PRKD1: variants seen among roughly 807,000 people sequenced by gnomAD.
The protein encoded by PRKD1 is serine/threonine-protein kinase D1.
In PRKD1, 63 loss-of-function variants were observed where a neutral mutation model predicts 95.9. The observed-to-expected ratio is 0.66, with a 90% confidence interval of 0.54 to 0.81. PRKD1 has a LOEUF of 0.81. Among genes scored for constraint, PRKD1 ranks in the 30% least tolerant of loss-of-function variants. PRKD1 has a pLI of 0.00. For synonymous variants in PRKD1, 425 were observed against 423.1 expected, an observed-to-expected ratio of 1.00 and a Z score of -0.05; for missense variants, 1,048 against 1,165.3, an observed-to-expected ratio of 0.90 and a Z score of 1.47.
chr14:29,809,844 T>G (rs1019180769), intron 1 of PRKD1, among the ~76,000 whole-genome samples: 2 of 152,224 alleles, frequency 1.3e-5, no homozygotes, highest in Non-Finnish European at 2.9e-5. Flanking sequence ...AACTTTTCCT[T>G]GGCACTCACA....
chr14:29,774,064 G>A (rs1360713589), intron 1 of PRKD1, among the ~76,000 whole-genome samples: 8 of 152,286 alleles, frequency 5.3e-5, no homozygotes, highest in Non-Finnish European at 7.3e-5. Flanking sequence ...CAGAAAAGAC[G>A]ATATCTAAAT....
At chr14:29,696,241 T>C (rs111894259) in intron 2 of PRKD1, among the ~76,000 whole-genome samples, 1 of 41,400 alleles carries the variant, frequency 2.4e-5, no homozygotes, top group Non-Finnish European at 4.2e-5. Flanking sequence ...TATCTAGTAA[T>C]AGAGTCAGGC....
chr14:29,640,174 A>T (rs1880665365), intron 4 of PRKD1, among the ~76,000 whole-genome samples: 1 of 152,214 alleles, frequency 6.6e-6, no homozygotes, highest in Non-Finnish European at 1.5e-5. Flanking sequence ...TAAAGTTTAA[A>T]TACATACCCC....
At chr14:29,738,758 TTTCCTTCCTTCC>T (rs141407844) in intron 1 of PRKD1, among the ~76,000 whole-genome samples, 3 of 151,096 alleles carry the variant, frequency 2.0e-5, no homozygotes, top group African/African-American at 2.4e-5. Flanking sequence ...TCTTTCTTTC[TTTCCTTCCTTCC>T]TTCCTTCCTT....
chr14:29,920,025 G>A (rs1448895076), intron 1 of PRKD1, among the ~76,000 whole-genome samples: 15 of 130,082 alleles, frequency 1.2e-4, no homozygotes, highest in Admixed American at 2.2e-4. Flanking sequence ...GGGAAGGAAG[G>A]AAGGAAGGAA....
rs538910401 is a variant in PRKD1, at chr14:29,800,235, A to T, written c.265-74561T>A. 9.1e-4 allele frequency among the ~76,000 whole-genome samples: 139 copies of T among 152,344 alleles called. 2 individuals are homozygous for T. The highest frequency in any genetic ancestry group is 3.2e-3 in the African/African-American group (135 of 41,586). ...GGTTCAGTATTTGCTAACTAAGATG[A>T]TGTGACAGAACAGAACTTCCACAAA... On this transcript the variant is annotated intron_variant, in intron 1 of 17. Transcript: ENST00000331968.
chr14:29,751,216 CTGTTAGTTGACATA>C (rs569607674), intron 1 of PRKD1: 411 of 152,288 alleles, frequency 2.7e-3, no homozygotes, highest in Admixed American at 8.5e-3. Flanking sequence ...TTCTTAAACA[CTGTTAGTTGACATA>C]TATCCATCAG....
intron 1 of PRKD1, among the ~76,000 whole-genome samples, chr14:29,834,317 G>T (rs1323905484): frequency 6.6e-6 from 1 of 152,078 alleles, no homozygotes; most frequent in East Asian, 1.9e-4. Context: ...TTGACATACT[G>T]TTGTGGAACT....
At chr14:29,693,629 AAAAAAAAAAAAACAACAACAAC>A (rs1437483098) in intron 2 of PRKD1, among the ~76,000 whole-genome samples, 14 of 117,746 alleles carry the variant, frequency 1.2e-4, no homozygotes, top group African/African-American at 6.8e-4. Flanking sequence ...ACCTCAGTCA[AAAAAAAAAAAAACAACAACAAC>A]AAAAAAAAAA....
chr14:29,817,599 G>A (rs2139260988), intron 1 of PRKD1, among the ~76,000 whole-genome samples: 1 of 152,194 alleles, frequency 6.6e-6, no homozygotes, highest in African/African-American at 2.4e-5. Flanking sequence ...TTTATGGTTA[G>A]ATATCATTAT....
intron 1 of PRKD1, among the ~76,000 whole-genome samples, chr14:29,783,929 C>T (rs1889156870): frequency 6.6e-6 from 1 of 152,174 alleles, no homozygotes; most frequent in African/African-American, 2.4e-5. Context: ...TTCCATTCTA[C>T]AGGTCATCTA....
chr14:29,796,049 T>G (rs561717921), intron 1 of PRKD1, among the ~76,000 whole-genome samples: 4 of 152,166 alleles, frequency 2.6e-5, no homozygotes, highest in Admixed American at 2.0e-4. Flanking sequence ...GTGATACACA[T>G]ATTTGTAACA....
chr14:29,680,894 C>T (rs556081632), intron 2 of PRKD1, among the ~76,000 whole-genome samples: 39 of 152,020 alleles, frequency 2.6e-4, no homozygotes, highest in African/African-American at 4.8e-4. Context: ...TGAAAACACG[C>T]GGAGGAGGAG....
intron 1 of PRKD1, among the ~76,000 whole-genome samples, chr14:29,832,700 G>A (rs1186838527): frequency 1.3e-5 from 2 of 152,064 alleles, no homozygotes; most frequent in African/African-American, 2.4e-5. Flanking sequence ...AAATGCTCCA[G>A]AATGACTATT....
At chr14:29,849,577 C>CAAAAAA (rs368009160) in intron 1 of PRKD1, among the ~76,000 whole-genome samples, 1 of 139,654 alleles carries the variant, frequency 7.2e-6, no homozygotes, top group African/African-American at 2.7e-5. Context: ...ACAACAACAA[C>CAAAAAA]AAAAAAAAAA....
At chr14:29,600,268 C>A (rs1893468913) in intron 13 of PRKD1, among the ~76,000 whole-genome samples, 1 of 151,948 alleles carries the variant, frequency 6.6e-6, no homozygotes, top group South Asian at 2.1e-4. Flanking sequence ...TAGTCAAAAC[C>A]TTTTAGAAAT....
At chr14:29,880,611 C>T (rs1485283951) in intron 1 of PRKD1, among the ~76,000 whole-genome samples, 2 of 152,054 alleles carry the variant, frequency 1.3e-5, no homozygotes, top group African/African-American at 2.4e-5. Context: ...CCACAGTCTT[C>T]CAGACCCCAG....
intron 4 of PRKD1, among the ~76,000 whole-genome samples, chr14:29,643,082 T>C (rs1247017619): frequency 6.6e-6 from 1 of 152,166 alleles, no homozygotes; most frequent in African/African-American, 2.4e-5. Context: ...AATGCATTTT[T>C]TAAAATTTTA....
At chr14:29,816,220 C>T (rs1432194149) in intron 1 of PRKD1, among the ~76,000 whole-genome samples, 1 of 152,072 alleles carries the variant, frequency 6.6e-6, no homozygotes, top group African/African-American at 2.4e-5. Context: ...CAAGAGCCTC[C>T]ATCTCAGTAA....
Sources: allele counts gnomAD v4.1 joint callset (sites outside exome capture counted in the v4.1 genomes callset), GRCh38; gene constraint gnomAD v4.1.1; transcripts MANE v1.5; gene names NCBI Gene and HGNC (gene_info 2026-07-23, HGNC 2026-07-21).